The following OAS3 variants were observed in gnomAD, a reference collection of about 807,000 sequenced individuals.
OAS3 encodes the protein 2'-5'-oligoadenylate synthetase 3.
In OAS3, 107 loss-of-function variants were observed where a neutral mutation model predicts 113.0. The ratio of observed to expected loss-of-function variants is 0.95; its 90% CI spans 0.81 to 1.11. The LOEUF (loss-of-function observed/expected upper bound fraction) is 1.11, where lower values mean the gene tolerates loss of function less well. Among genes scored for constraint, OAS3 ranks in the 50% most tolerant of loss-of-function variants. The pLI is 0.00. For synonymous variants in OAS3, 552 were observed against 573.6 expected, an observed-to-expected ratio of 0.96 and a Z score of 0.54; for missense variants, 1,258 against 1,389.1, an observed-to-expected ratio of 0.91 and a Z score of 1.50.
chr12:112,961,256 C>T lies in OAS3; in HGVS notation c.1833+10C>T. The T allele has an allele frequency of 6.2e-7, 1 of 1,611,316 alleles. No individual in the cohort carries two copies. Among genetic ancestry groups the T allele is most frequent in the Non-Finnish European group, 8.5e-7 (1 of 1,178,034 alleles). On this transcript the variant is annotated intron_variant, in intron 8 of 15. Transcript: ENST00000228928. ...GCACTGGTACCGCCAGGTGAGTTGC[C>T]CCTGGCTCCTCCCAGGAAGCCACCA...
At position 112,970,100 on chromosome 12, in the gene OAS3, A is replaced by G. The variant is rs7965473; in HGVS notation, c.*127A>G. The G allele has an allele frequency of 0.016, 18,155 of 1,100,412 alleles. 1,771 individuals carry two copies. In the African/African-American group the frequency reaches 0.23, roughly 14 times the overall value. 68.2% of individuals were successfully genotyped at this position (1,100,412 alleles called of 1,614,324 possible). ...CATGTGTGTGTGAGCACATGTGTGCATGTGTGTGCACACGTGTGCATGTGT... is the reference window on the plus strand; with the variant it reads ...CATGTGTGTGTGAGCACATGTGTGCGTGTGTGTGCACACGTGTGCATGTGT... On this transcript the variant is annotated 3_prime_UTR_variant, in exon 16 of 16. Coordinates refer to ENST00000228928, the MANE Select transcript of OAS3 (RefSeq NM_006187.4).
At chr12:112,967,729 C>A in intron 13 of OAS3, 136 bp downstream of exon 13, 1 of 1,109,504 alleles carries the variant, frequency 9.0e-7, no homozygotes, top group Non-Finnish European at 1.3e-6. Context: ...TGCTATATCT[C>A]AGCTGTGGGA....
In OAS3 at chr12:112,950,882, C is replaced by A; in HGVS notation, c.1564C>A (p.Gln522Lys). 1 of 1,614,024 alleles carries A rather than the reference C, an allele frequency of 6.2e-7. No individual in the cohort carries two copies. Among genetic ancestry groups the A allele is most frequent in the Non-Finnish European group, 8.5e-7 (1 of 1,179,898 alleles). ...VPSLSLQFPE[Q>K]NVPEALQFQL... ...CAGCCTGAGCCTTCAGTTTCCTGAG[C>A]AGAATGTGCCTGAGGCTCTGCAGTT... Residue 522 changes from glutamine to lysine, a missense_variant, in exon 7 of 16, where the codon CAG (glutamine) becomes AAG (lysine). Gln to Lys is a moderately conservative substitution (Grantham distance 53). Transcript: ENST00000228928.
chr12:112,952,847 G>T (rs1222322627), intron 7 of OAS3, among the ~76,000 whole-genome samples: 1 of 152,074 alleles, frequency 6.6e-6, no homozygotes, highest in Admixed American at 6.6e-5. Flanking sequence ...TGTTGTTAAT[G>T]ATCTGTTTTC....
rs570561662 is a variant in OAS3, at chr12:112,942,004, G to A, written c.460+152G>A. ...CCTCAGTCTGGGGACTAAACATATT[G>A]GACTTGTGCCAGACAAAGGCAGAGA... On this transcript the variant is annotated intron_variant, in intron 2 of 15. Transcript: ENST00000228928. 5 of 918,708 alleles carry A rather than the reference G, an allele frequency of 5.4e-6. No homozygotes were observed. The African/African-American group carries it at 6.5e-5, about 12-fold the overall frequency. 56.9% of individuals were successfully genotyped at this position (918,708 alleles called of 1,614,324 possible).
intron 14 of OAS3, chr12:112,969,351 C>CCCCTGAAT (rs1341210004): frequency 1.9e-6 from 1 of 522,830 alleles, no homozygotes; most frequent in Non-Finnish European, 3.5e-6. Flanking sequence ...AACAATGCCT[C>CCCCTGAAT]CCCTGAATAA....
At chr12:112,947,617 C>T (rs949201968) in intron 4 of OAS3, among the ~76,000 whole-genome samples, 3 of 152,116 alleles carry the variant, frequency 2.0e-5, no homozygotes, top group South Asian at 4.1e-4. Context: ...CCATCATAAA[C>T]ATTCTTGGAC....
rs768005102 is a variant in OAS3, at chr12:112,969,744, T to C, written c.3241T>C (p.Trp1081Arg). ...ACGGAATGGCATCCCCATCCAGCCA[T>C]GGCCAGTGAAGGTGAGAGATCTGTG... is the stretch of plus-strand genomic sequence containing the variant. ...MGRNGIPIQP[W>R]PVKAAV The change falls in exon 15 of 16, where the codon TGG becomes CGG. Residue 1081 changes from tryptophan (W) to arginine (R), a missense_variant. Physicochemically the swap from Trp to Arg is moderately radical, Grantham distance 101 (BLOSUM62 -3). Coordinates refer to ENST00000228928, the MANE Select transcript of OAS3 (RefSeq NM_006187.4). 5.0e-6 allele frequency: 8 copies of C among 1,612,980 alleles called. No individual in the cohort carries two copies. Among genetic ancestry groups the C allele is most frequent in the Middle Eastern group, 1.8e-4 (1 of 5,664 alleles).
intron 3 of OAS3, among the ~76,000 whole-genome samples, chr12:112,946,355 C>T (rs1239046804): frequency 6.6e-6 from 1 of 152,106 alleles, no homozygotes; most frequent in African/African-American, 2.4e-5. Context: ...GGCCCGCTGC[C>T]CCACCCCACT....
intron 4 of OAS3, among the ~76,000 whole-genome samples, chr12:112,947,204 C>T (rs150344078): frequency 3.9e-4 from 60 of 152,194 alleles, no homozygotes; most frequent in Admixed American, 3.9e-4. Context: ...AAGTTTTATG[C>T]GTGAATGTTT....
intron 2 of OAS3, among the ~76,000 whole-genome samples, chr12:112,943,880 A>G (rs978752657): frequency 2.6e-5 from 4 of 151,934 alleles, no homozygotes; most frequent in African/African-American, 9.7e-5. Context: ...TGACTGGCTA[A>G]TTTTTGTATA....
chr12:112,961,561 A>G (rs1257166092), intron 8 of OAS3, among the ~76,000 whole-genome samples: 1 of 151,920 alleles, frequency 6.6e-6, no homozygotes, highest in Non-Finnish European at 1.5e-5. Flanking sequence ...TGCTTATGAT[A>G]TTACCCCCAC....
chr12:112,955,973 T>C (rs570594438), intron 7 of OAS3, among the ~76,000 whole-genome samples: 1 of 152,330 alleles, frequency 6.6e-6, no homozygotes, highest in South Asian at 2.1e-4. Flanking sequence ...TCCTGGACTT[T>C]TTTTGGTTGG....
rs185787895 is a variant in OAS3, at chr12:112,945,078, G to A, written c.636+427G>A. The A allele has an allele frequency of 2.5e-5, 7 of 280,496 alleles. No homozygotes were observed. In the East Asian group the frequency reaches 4.5e-4, roughly 18 times the overall value. 17.4% of individuals were successfully genotyped at this position (280,496 alleles called of 1,614,324 possible). On this transcript the variant is annotated intron_variant, in intron 3 of 15. Transcript: ENST00000228928. ...TGGAATCCCAGCACTTTGAGTGGCC[G>A]AGGCAGGTGGATCACTTGAGGTCAG...
At chr12:112,951,035 G>T (rs1348940378) in intron 7 of OAS3, 60 bp downstream of exon 7, 7 of 1,513,650 alleles carry the variant, frequency 4.6e-6, no homozygotes, top group Non-Finnish European at 5.4e-6. Context: ...CCATCTAACA[G>T]GGGCACCTGC....
At position 112,961,110 on chromosome 12, in the gene OAS3, A is replaced by C. The variant is rs2043879484; in HGVS notation, c.1697A>C (p.Tyr566Ser). 1.2e-6 allele frequency: 2 copies of C among 1,613,712 alleles called. No individual in the cohort carries two copies. Among genetic ancestry groups the C allele is most frequent in the Non-Finnish European group, 1.7e-6 (2 of 1,179,862 alleles). Reference protein sequence around the residue: ...SSGTKPNPQVYSRLLTSGCQE... With the variant: ...SSGTKPNPQVSSRLLTSGCQE... ...GGCACCAAACCAAATCCCCAGGTCT[A>C]CTCGAGGCTCCTCACCAGTGGCTGC... Residue 566 changes from tyrosine to serine, a missense_variant, in exon 8 of 16, where the codon TAC becomes TCC. Transcript: ENST00000228928.
At chr12:112,944,351 A>C (rs1427869305) in intron 2 of OAS3, 125 bp from the exon 3 acceptor site, 4 of 985,090 alleles carry the variant, frequency 4.1e-6, no homozygotes, top group Non-Finnish European at 6.2e-6. Context: ...CCATGTTACC[A>C]GATTTCTTCC....
At position 112,941,610 on chromosome 12, in the gene OAS3, G is replaced by A; in HGVS notation, c.218G>A (p.Cys73Tyr). Residue 73 changes from cysteine (C) to tyrosine (Y), a missense_variant, in exon 2 of 16, where the codon TGT (cysteine) becomes TAT (tyrosine). Physicochemically the swap from Cys to Tyr is radical, Grantham distance 194 (BLOSUM62 -2). Transcript: ENST00000228928. Reference sequence around the variant, plus strand: ...CGGGGCACAGCTCTCAAGGGTGGCTGTGATTCTGAACTTGTCATCTTCCTC... The same window carrying A: ...CGGGGCACAGCTCTCAAGGGTGGCTATGATTCTGAACTTGTCATCTTCCTC... ...SGRGTALKGG[C>Y]DSELVIFLDC... is the part of the protein sequence containing the mutation. 5 of 1,614,010 alleles carry A rather than the reference G, an allele frequency of 3.1e-6. No individual in the cohort carries two copies. The highest frequency in any genetic ancestry group is 4.2e-6 in the Non-Finnish European group (5 of 1,179,878).
chr12:112,954,851 T>G lies in OAS3; in HGVS notation c.1657+3876T>G, dbSNP rs1480972142. Among the ~76,000 whole-genome samples, 1 of 152,262 alleles carries G rather than the reference T, an allele frequency of 6.6e-6. No homozygotes were observed. The highest frequency in any genetic ancestry group is 1.5e-5 in the Non-Finnish European group (1 of 68,034). On this transcript the variant is annotated intron_variant, in intron 7 of 15. Coordinates refer to ENST00000228928, the MANE Select transcript of OAS3 (RefSeq NM_006187.4). This position sits in a 1 kb window ranked among gnomAD's most constrained non-coding sequence, Gnocchi z 4.0. ...ACTTTAAAGTAGTTTTTTCCAATTC[T>G]GTGAAGAAAGTCATTGGTAGCTTGT...
Sources: gnomAD v4.1 joint callset for allele counts (sites outside exome capture counted in the v4.1 genomes callset) on GRCh38, gnomAD v4.1.1 for gene constraint, Gnocchi (gnomAD v3.1) non-coding constraint, MANE v1.5 for transcripts, NCBI Gene and HGNC (gene_info 2026-07-23, HGNC 2026-07-21) for gene names.